Variants in ENDOD1 observed in about 807,000 individuals in gnomAD.
The protein encoded by ENDOD1 is endonuclease domain containing 1, also known as endonuclease domain-containing 1 protein.
In ENDOD1, 9 loss-of-function variants were observed where a neutral mutation model predicts 6.5. That is an observed-to-expected ratio of 1.39 (90% CI 0.84 to 2.43). The LOEUF (loss-of-function observed/expected upper bound fraction) is 2.43, where lower values mean the gene tolerates loss of function less well. Ranked by LOEUF, ENDOD1 falls within the 30% of genes most tolerant of loss-of-function variation. The pLI, the probability that ENDOD1 is intolerant of heterozygous loss-of-function variation, is 0.00. For synonymous variants in ENDOD1, 255 were observed against 255.2 expected, an observed-to-expected ratio of 1.00 and a Z score of 0.01; for missense variants, 648 against 635.5, an observed-to-expected ratio of 1.02 and a Z score of -0.21.
chr11:95,117,932 T>A (rs931282297), intron 1 of ENDOD1, among the ~76,000 whole-genome samples: 1 of 152,196 alleles, frequency 6.6e-6, no homozygotes, highest in East Asian at 1.9e-4. Flanking sequence ...TGCTGTATAT[T>A]TTTTGATTTG....
At chr11:95,120,680 C>T (rs752730759) in intron 1 of ENDOD1, among the ~76,000 whole-genome samples, 13 of 152,106 alleles carry the variant, frequency 8.5e-5, no homozygotes, top group African/African-American at 1.9e-4. Flanking sequence ...GCTGGTGTCT[C>T]GGTAGGTCAC....
chr11:95,089,860 G>C lies in ENDOD1; in HGVS notation c.-68G>C. On this transcript the variant is annotated 5_prime_UTR_variant, in exon 1 of 2. Transcript: ENST00000278505. ...TGCTCGGCTGCGTAGTGCGCTCCCC[G>C]CCCAGCCTGCAGAGCTCGCGCCGCG... The C allele has an allele frequency of 7.9e-7, 1 of 1,260,268 alleles. No homozygotes were observed. The highest frequency in any genetic ancestry group is 3.3e-5 in the East Asian group (1 of 30,178). 78.1% of individuals were successfully genotyped at this position (1,260,268 alleles called of 1,614,324 possible).
At chr11:95,120,577 C>T (rs556299898) in intron 1 of ENDOD1, among the ~76,000 whole-genome samples, 23 of 152,138 alleles carry the variant, frequency 1.5e-4, no homozygotes, top group Non-Finnish European at 3.4e-4. Context: ...CTCTCTTCTT[C>T]TCAAGCAGAA....
rs370831875 is a variant in ENDOD1, at chr11:95,105,789, ATTAAATTT to A, written c.300+15565_300+15572del. 1.4e-3 allele frequency among the ~76,000 whole-genome samples: 207 copies of A among 152,322 alleles called. 2 individuals carry two copies. Among genetic ancestry groups the A allele is most frequent in the African/African-American group, 4.8e-3 (199 of 41,574 alleles). ...TTTGCATTATTTTTATTGTTGTATT[ATTAAATTT>A]TTTCCCTGAATATTTTTGATCCACA... is the stretch of plus-strand genomic sequence containing the variant. On this transcript the variant is annotated intron_variant, in intron 1 of 1. Transcript: ENST00000278505.
intron 1 of ENDOD1, among the ~76,000 whole-genome samples, chr11:95,127,528 T>A (rs1859323164): frequency 6.6e-6 from 1 of 152,210 alleles, no homozygotes; most frequent in Admixed American, 6.5e-5. Flanking sequence ...CCCATGTAAT[T>A]TAAATGCGCT....
Position 95,096,227 on chromosome 11 carries a change from C to CTTTTTTTTTTTTT in ENDOD1, c.300+6013_300+6025dup, listed in dbSNP as rs10660230. On this transcript the variant is annotated intron_variant, in intron 1 of 1. Coordinates refer to ENST00000278505, the MANE Select transcript of ENDOD1 (RefSeq NM_015036.3). ...CTAGAATTACTGTTAGTCAAGAAAG[C>CTTTTTTTTTTTTT]TTTTTTTTTTTTTTTTTTTTTTTTT... Among the ~76,000 whole-genome samples the CTTTTTTTTTTTTT allele has an allele frequency of 2.0e-3, 98 of 49,964 alleles. 26 individuals are homozygous for CTTTTTTTTTTTTT. The highest frequency in any genetic ancestry group is 2.2e-3 in the Non-Finnish European group (67 of 30,062). 32.8% of individuals were successfully genotyped at this position (49,964 alleles called of 152,430 possible).
intron 1 of ENDOD1, among the ~76,000 whole-genome samples, chr11:95,101,187 A>G (rs1367191336): frequency 2.0e-5 from 3 of 152,210 alleles, no homozygotes; most frequent in Non-Finnish European, 4.4e-5. Flanking sequence ...CTATTTTAGT[A>G]CAGAACAGCC....
chr11:95,131,713 C>T lies in ENDOD1; in HGVS notation c.*2134C>T, dbSNP rs1172836319. The stretch of plus-strand genomic sequence containing the variant: ...TACTGCATCCCATGGAAACTTAATT[C>T]CCTCCTAGCACATATTTGCATACTG... On this transcript the variant is annotated 3_prime_UTR_variant, in exon 2 of 2. Transcript: ENST00000278505. 2 of 152,190 alleles carry T rather than the reference C, an allele frequency of 1.3e-5. No homozygotes were observed. Among genetic ancestry groups the T allele is most frequent in the Non-Finnish European group, 2.9e-5 (2 of 68,028 alleles). The allele number at this position is 152,190 out of a possible 1,614,324, so 9.4% of individuals were successfully genotyped here.
chr11:95,128,551 A>C lies in ENDOD1; in HGVS notation c.475A>C (p.Thr159Pro), dbSNP rs1366321850. The change falls in exon 2 of 2, where the codon ACT (threonine) becomes CCT (proline). Residue 159 changes from threonine (T) to proline (P), a missense_variant. By Grantham distance (38) the Thr-to-Pro change is conservative. Transcript: ENST00000278505. The part of the protein sequence containing the change: ...LSSDVQVATF[T>P]LTNSAPMTQS... ...CAGTGATGTCCAGGTGGCCACATTT[A>C]CTCTCACAAATTCAGCCCCAATGAC... 14 of 1,614,144 alleles carry C rather than the reference A, an allele frequency of 8.7e-6. No individual in the cohort carries two copies. The highest frequency in any genetic ancestry group is 1.2e-5 in the Non-Finnish European group (14 of 1,180,022).
chr11:95,113,537 A>G (rs192917087), intron 1 of ENDOD1, among the ~76,000 whole-genome samples: 12 of 152,288 alleles, frequency 7.9e-5, no homozygotes, highest in Non-Finnish European at 1.2e-4. Flanking sequence ...ACTTAATGTA[A>G]TGACCACCAG....
At chr11:95,095,537 G>A (rs1555110229) in intron 1 of ENDOD1, among the ~76,000 whole-genome samples, 1 of 152,220 alleles carries the variant, frequency 6.6e-6, no homozygotes, top group East Asian at 1.9e-4. Flanking sequence ...TACCTGCGTT[G>A]GCAGAATATT....
intron 1 of ENDOD1, among the ~76,000 whole-genome samples, chr11:95,094,604 G>T (rs2134160734): frequency 6.6e-6 from 1 of 152,312 alleles, no homozygotes; most frequent in Non-Finnish European, 1.5e-5. Flanking sequence ...AAATGCAAAT[G>T]GTTGTTTCAA....
chr11:95,127,650 G>C (rs1473550617), intron 1 of ENDOD1, among the ~76,000 whole-genome samples: 1 of 150,888 alleles, frequency 6.6e-6, no homozygotes, highest in East Asian at 2.0e-4. Context: ...TGCAGTTCTG[G>C]CTTTATGGGC....
rs1215186506 is a variant in ENDOD1, at chr11:95,108,633, A to AT, written c.300+18415dup. On this transcript the variant is annotated intron_variant, in intron 1 of 1. Transcript: ENST00000278505. ...GTATTTTAGATGCCAAGCACGGAAG[A>AT]TTTTTTTTTCCTGAAATGGGTGGGT... Among the ~76,000 whole-genome samples, 11 of 151,678 alleles carry AT rather than the reference A, an allele frequency of 7.3e-5. No homozygotes were observed. In the South Asian group the frequency reaches 1.9e-3, roughly 26 times the overall value.
rs1293463323 is a variant in ENDOD1, at chr11:95,128,588, A to T, written c.512A>T (p.Gln171Leu). 1 of 1,614,234 alleles carries T rather than the reference A, an allele frequency of 6.2e-7. No homozygotes were observed. The highest frequency in any genetic ancestry group is 1.7e-5 in the Admixed American group (1 of 60,024). Residue 171 changes from glutamine (Q) to leucine (L), a missense_variant, in exon 2 of 2, where the codon CAG becomes CTG. Coordinates refer to ENST00000278505, the MANE Select transcript of ENDOD1 (RefSeq NM_015036.3). ...TCAGCCCCAATGACTCAGTCCTTCC[A>T]GGAACGGTGGTATGTGAATCTCCAC... ...TNSAPMTQSF[Q>L]ERWYVNLHSL...
At chr11:95,095,420 A>T (rs1161170873) in intron 1 of ENDOD1, among the ~76,000 whole-genome samples, 7 of 1,510 alleles carry the variant, frequency 4.6e-3, no homozygotes. Context: ...GACCCAGGGG[A>T]TGGTTCCAAC....
rs563424024 is a variant in ENDOD1 at position 95,118,488 on chromosome 11, C to T, written c.301-9889C>T. On this transcript the variant is annotated intron_variant, in intron 1 of 1. Coordinates refer to ENST00000278505, the MANE Select transcript of ENDOD1 (RefSeq NM_015036.3). Reference sequence around the variant, plus strand: ...CACTCTAAATATGGAATGCCACTCTCCCCTGGCCTGTAAGGTTTCCGCTGA... The same window carrying T: ...CACTCTAAATATGGAATGCCACTCTTCCCTGGCCTGTAAGGTTTCCGCTGA... 1.3e-4 allele frequency among the ~76,000 whole-genome samples: 20 copies of T among 152,316 alleles called. No individual in the cohort carries two copies. The South Asian group carries it at 3.5e-3, about 27-fold the overall frequency.
intron 1 of ENDOD1, among the ~76,000 whole-genome samples, chr11:95,114,438 C>T (rs1391564009): frequency 6.6e-6 from 1 of 152,052 alleles, no homozygotes; most frequent in African/African-American, 2.4e-5. Context: ...ATATTTTATC[C>T]CATACTGTGG....
At position 95,129,001 on chromosome 11, in the gene ENDOD1, A is replaced by G; in HGVS notation, c.925A>G (p.Arg309Gly). The G allele has an allele frequency of 6.2e-7, 1 of 1,613,986 alleles. No homozygotes were observed. Among genetic ancestry groups the G allele is most frequent in the African/African-American group, 1.3e-5 (1 of 75,046 alleles). The change falls in exon 2 of 2, where the codon AGG (arginine) becomes GGG (glycine). Residue 309 changes from arginine (R) to glycine (G), a missense_variant. By Grantham distance (125) the Arg-to-Gly change is moderately radical. Transcript: ENST00000278505. Reference protein sequence around the residue: ...QKSSSPLSSTRSKRSTLLPPE... With the variant: ...QKSSSPLSSTGSKRSTLLPPE... ...GAGTTCTAGTCCCCTTTCTAGCACC[A>G]GGAGCAAGAGGTCTACTCTGTTGCC...
Sources: allele counts gnomAD v4.1 joint callset (sites outside exome capture counted in the v4.1 genomes callset), GRCh38; gene constraint gnomAD v4.1.1; transcripts MANE v1.5; gene names NCBI Gene and HGNC (gene_info 2026-07-23, HGNC 2026-07-21).